NRBP1: variants seen among roughly 807,000 people sequenced by gnomAD.
NRBP1 encodes nuclear receptor binding protein 1.
A neutral mutation model predicts 76.0 loss-of-function variants in NRBP1; 10 were observed. The ratio of observed to expected loss-of-function variants is 0.13; its 90% CI spans 0.08 to 0.22. The LOEUF (loss-of-function observed/expected upper bound fraction) is 0.22, where lower values mean the gene tolerates loss of function less well. Among genes scored for constraint, NRBP1 ranks in the 10% least tolerant of loss-of-function variants. NRBP1 has a pLI of 1.00. For synonymous variants in NRBP1, 235 were observed against 240.2 expected (o/e 0.98, Z 0.20); for missense variants, 344 against 646.0 (o/e 0.53, Z 5.07).
intron 6 of NRBP1, 55 bp downstream of exon 6, chr2:27,434,817 A>C: frequency 1.3e-6 from 2 of 1,546,162 alleles, no homozygotes; most frequent in Admixed American, 3.3e-5. Flanking sequence ...GTTACTCCAA[A>C]CAGATTTCAG....
chr2:27,429,950 T>C (rs1055119239), intron 1 of NRBP1, among the ~76,000 whole-genome samples: 1 of 152,224 alleles, frequency 6.6e-6, no homozygotes, highest in Non-Finnish European at 1.5e-5. Context: ...ATTCAGTGAA[T>C]GCAGCTGCTC....
At chr2:27,440,730 C>A in intron 13 of NRBP1, 28 bp downstream of exon 13, 1 of 1,614,138 alleles carries the variant, frequency 6.2e-7, no homozygotes, top group Non-Finnish European at 8.5e-7. Flanking sequence ...AGCAGGCTTT[C>A]TTGAGGAAGC....
intron 1 of NRBP1, 123 bp from the exon 2 acceptor site, chr2:27,433,131 A>T: frequency 1.6e-6 from 1 of 626,464 alleles, no homozygotes; most frequent in East Asian, 3.0e-5. Context: ...TGCCCACCTC[A>T]GCCTCCCAAA....
chr2:27,433,785 A>G lies in NRBP1; in HGVS notation c.323A>G (p.Lys108Arg). 1 of 1,614,216 alleles carries G rather than the reference A, an allele frequency of 6.2e-7. No individual in the cohort carries two copies. Among genetic ancestry groups the G allele is most frequent in the Non-Finnish European group, 8.5e-7 (1 of 1,180,034 alleles). Residue 108 changes from lysine to arginine, a missense_variant, in exon 3 of 18, where the codon AAG (lysine) becomes AGG (arginine). Lys to Arg is a conservative substitution (Grantham distance 26). Transcript: ENST00000379852. ...CAGTTCTCTGAACGCAAGAACTACA[A>G]GCTGCAGGAGGTAGGTGATGCTGAA... ...EVQFSERKNYKLQEEKVRAVF... is the reference protein window; with the variant it reads ...EVQFSERKNYRLQEEKVRAVF...
chr2:27,441,871 C>G lies in NRBP1; in HGVS notation c.*59C>G. ...GGCTGTCCCTGGACGTGCTGCAGCC[C>G]TCCTGTCCCTTCCCCCCAGTCAGTA... On this transcript the variant is annotated 3_prime_UTR_variant, in exon 18 of 18. Transcript: ENST00000379852. 1 of 995,492 alleles carries G rather than the reference C, an allele frequency of 1.0e-6. No individual in the cohort carries two copies. The allele number at this position is 995,492 out of a possible 1,614,324, so 61.7% of individuals were successfully genotyped here. A position where few individuals can be genotyped will look rare whatever the true frequency, so the allele number is the denominator to read the frequency against.
intron 1 of NRBP1, among the ~76,000 whole-genome samples, chr2:27,430,242 C>T (rs1286986302): frequency 3.3e-5 from 5 of 152,110 alleles, no homozygotes; most frequent in Non-Finnish European, 7.3e-5. Context: ...TCTGTACTGC[C>T]TATTGCTCTT....
chr2:27,440,536 G>A, intron 12 of NRBP1, 28 bp downstream of exon 12: 17 of 1,600,068 alleles, frequency 1.1e-5, no homozygotes, highest in Non-Finnish European at 1.5e-5. Context: ...TCTGAAAGGG[G>A]CAGATTGGTC....
intron 11 of NRBP1, 114 bp from the exon 12 acceptor site, chr2:27,440,289 A>T: frequency 1.3e-6 from 1 of 760,244 alleles, no homozygotes; most frequent in Non-Finnish European, 2.3e-6. Flanking sequence ...GATTACAGGC[A>T]TGAGCCACTG....
intron 3 of NRBP1, 37 bp downstream of exon 3, chr2:27,433,832 T>C (rs762600384): frequency 9.9e-6 from 16 of 1,613,850 alleles, no homozygotes; most frequent in Non-Finnish European, 1.4e-5. Flanking sequence ...TGGGGAATGT[T>C]GGAACACTGA....
Position 27,428,686 on chromosome 2 carries a change from C to G in NRBP1, c.-66C>G, listed in dbSNP as rs1272546408. 1 of 398,058 alleles carries G rather than the reference C, an allele frequency of 2.5e-6. No individual in the cohort carries two copies. The highest frequency in any genetic ancestry group is 2.1e-5 in the African/African-American group (1 of 48,604). 24.7% of individuals were successfully genotyped at this position (398,058 alleles called of 1,614,324 possible). ...GTCGCTGTGATCCGGGGCCCCGGAA[C>G]CCGAGCTGGAGCTGAAGCGCAGGCT... is the stretch of plus-strand genomic sequence containing the variant. On this transcript the variant is annotated 5_prime_UTR_variant, in exon 1 of 18. Transcript: ENST00000379852.
chr2:27,433,906 T>C, intron 3 of NRBP1, 83 bp from the exon 4 acceptor site: 1 of 1,599,008 alleles, frequency 6.3e-7, no homozygotes, highest in South Asian at 1.1e-5. Context: ...TTAGATCGTT[T>C]CTGGGGAGGG....
intron 1 of NRBP1, 66 bp from the exon 2 acceptor site, chr2:27,433,187 TA>T: frequency 8.2e-7 from 1 of 1,212,160 alleles, no homozygotes; most frequent in Non-Finnish European, 1.2e-6. Flanking sequence ...CCTGGATTAC[TA>T]AATCTTTACA....
chr2:27,439,995 C>CTT lies in NRBP1; in HGVS notation c.1036+132_1036+133dup, dbSNP rs70953859. On this transcript the variant is annotated intron_variant, in intron 11 of 17. Coordinates refer to ENST00000379852, the MANE Select transcript of NRBP1 (RefSeq NM_013392.4). ...TTTCCTCTTTATTTCCAAAGGGATT[C>CTT]TTTTTTTTTTTTTTTTTTTTTTTTT... The CTT allele has an allele frequency of 3.7e-3, 1,677 of 459,276 alleles. 473 individuals carry two copies. The highest frequency in any genetic ancestry group is 4.8e-3 in the African/African-American group (176 of 36,676). 28.5% of individuals were successfully genotyped at this position (459,276 alleles called of 1,614,324 possible). A position where few individuals can be genotyped will look rare whatever the true frequency, so the allele number is the denominator to read the frequency against.
At chr2:27,437,405 G>C (rs377586541) in intron 10 of NRBP1, 45 bp downstream of exon 10, 589 of 1,436,752 alleles carry the variant, frequency 4.1e-4, no homozygotes, top group Non-Finnish European at 5.1e-4. Flanking sequence ...ACCTTCAAAT[G>C]TCTTCTGGTT....
At chr2:27,428,618 G>A, upstream of NRBP1, 1 of 397,924 alleles carries the variant, frequency 2.5e-6, no homozygotes. Context: ...CGCGAGGGCG[G>A]GGCCCGCAGT....
At chr2:27,428,612 A>G (rs1365818663), upstream of NRBP1, 1 of 397,310 alleles carries the variant, frequency 2.5e-6, no homozygotes, top group Non-Finnish European at 4.4e-6. Context: ...GGGCGCCGCG[A>G]GGGCGGGGCC....
At chr2:27,428,925 A>G (rs1336753783) in intron 1 of NRBP1, among the ~76,000 whole-genome samples, 194 bp downstream of exon 1, 1 of 151,582 alleles carries the variant, frequency 6.6e-6, no homozygotes, top group Non-Finnish European at 1.5e-5. Context: ...GTCGCTGCTT[A>G]GCCCTCCCTG....
chr2:27,440,764 C>A lies in NRBP1; in HGVS notation c.1194-41C>A, dbSNP rs373734047. On this transcript the variant is annotated intron_variant, in intron 13 of 17. Transcript: ENST00000379852. ...GCAGGCGGGGTTGGGTATCCTAAGG[C>A]GTTCACAGAGCCCATGTGACCTGTC... is the stretch of plus-strand genomic sequence containing the variant. The A allele has an allele frequency of 1.9e-6, 3 of 1,613,954 alleles. No homozygotes were observed. In the African/African-American group the frequency reaches 4.0e-5, roughly 22 times the overall value.
At chr2:27,430,960 A>G (rs1433092503) in intron 1 of NRBP1, among the ~76,000 whole-genome samples, 1 of 152,216 alleles carries the variant, frequency 6.6e-6, no homozygotes, top group Non-Finnish European at 1.5e-5. Flanking sequence ...TATGCTGTAT[A>G]ATACTTTTTC....
Sources: gnomAD v4.1 joint callset for allele counts (sites outside exome capture counted in the v4.1 genomes callset) on GRCh38, gnomAD v4.1.1 for gene constraint, MANE v1.5 for transcripts, NCBI Gene and HGNC (gene_info 2026-07-23, HGNC 2026-07-21) for gene names.